DPYSL5: variants seen among roughly 807,000 people sequenced by gnomAD.
The protein encoded by DPYSL5 is dihydropyrimidinase-related protein 5.
Under a neutral mutation model 58.4 loss-of-function variants are expected in DPYSL5, and 9 were observed. The ratio of observed to expected loss-of-function variants is 0.15; its 90% CI spans 0.09 to 0.27. DPYSL5 has a LOEUF of 0.27. Ranked by LOEUF, DPYSL5 falls within the 10% of genes least tolerant of loss-of-function variation. The probability of loss-of-function intolerance (pLI) is 1.00; values close to 1 mark genes in which losing one functional copy is unlikely to be tolerated. For synonymous variants in DPYSL5, 293 were observed against 301.9 expected (o/e 0.97, Z 0.31); for missense variants, 499 against 770.6 (o/e 0.65, Z 4.17).
chr2:26,927,225 C>A lies in DPYSL5; in HGVS notation c.421-28C>A. 1.3e-6 allele frequency: 2 copies of A among 1,599,062 alleles called. No homozygotes were observed. Among genetic ancestry groups the A allele is most frequent in the South Asian group, 1.1e-5 (1 of 88,742 alleles). Reference sequence around the variant, plus strand: ...GGCCTCTTGGGTGTCTGCCCTCACGCAGCATTGCCCTTCTACTTGTTCTCC... The same window carrying A: ...GGCCTCTTGGGTGTCTGCCCTCACGAAGCATTGCCCTTCTACTTGTTCTCC... On this transcript the variant is annotated intron_variant, in intron 3 of 12. Coordinates refer to ENST00000288699, the MANE Select transcript of DPYSL5 (RefSeq NM_020134.4). The surrounding 1 kb of genome is among the most constrained non-coding windows in gnomAD (Gnocchi z 4.3).
intron 2 of DPYSL5, among the ~76,000 whole-genome samples, chr2:26,909,949 C>T (rs2148146104): frequency 6.6e-6 from 1 of 152,236 alleles, no homozygotes; most frequent in Non-Finnish European, 1.5e-5. Flanking sequence ...CATATACATA[C>T]ATCAAGAAGC....
chr2:26,874,448 C>G (rs1173785846), intron 1 of DPYSL5, among the ~76,000 whole-genome samples: 1 of 152,124 alleles, frequency 6.6e-6, no homozygotes, highest in Admixed American at 6.5e-5. Flanking sequence ...TCCATTTGTT[C>G]TAGCATCATT....
rs991419756 is a variant in DPYSL5 at position 26,933,180 on chromosome 2, G to C, written c.715-78G>C. 5 of 1,382,454 alleles carry C rather than the reference G, an allele frequency of 3.6e-6. No individual in the cohort carries two copies. The highest frequency in any genetic ancestry group is 5.2e-6 in the Non-Finnish European group (5 of 969,904). 85.6% of individuals were successfully genotyped at this position (1,382,454 alleles called of 1,614,324 possible). The stretch of plus-strand genomic sequence containing the variant: ...AGGGGGAGGCGCTGGTGCCAGGGCT[G>C]ACTTTGCCAGGGTTATTCTGATGCT... On this transcript the variant is annotated intron_variant, in intron 6 of 12. Coordinates refer to ENST00000288699, the MANE Select transcript of DPYSL5 (RefSeq NM_020134.4). This position sits in a 1 kb window ranked among gnomAD's most constrained non-coding sequence, Gnocchi z 4.2.
At chr2:26,865,821 A>G (rs1266613220) in intron 1 of DPYSL5, among the ~76,000 whole-genome samples, 3 of 152,204 alleles carry the variant, frequency 2.0e-5, no homozygotes, top group African/African-American at 7.2e-5. Context: ...ACAGAGACCT[A>G]TGCCAAGTAT....
rs947425924 is a variant in DPYSL5 at position 26,898,343 on chromosome 2, G to A, written c.-4-153G>A. On this transcript the variant is annotated intron_variant, in intron 1 of 12. Transcript: ENST00000288699. This position sits in a 1 kb window ranked among gnomAD's most constrained non-coding sequence, Gnocchi z 6.1. ...AATAAGTCCCTCTGGGAAGCCAGTG[G>A]GAGGCTTGTGACTCCCGCTGGCTGT... Among the ~76,000 whole-genome samples the A allele has an allele frequency of 6.6e-6, 1 of 152,118 alleles. No homozygotes were observed. The highest frequency in any genetic ancestry group is 1.5e-5 in the Non-Finnish European group (1 of 68,012).
chr2:26,931,623 T>C lies in DPYSL5; in HGVS notation c.670-17T>C, dbSNP rs199857288. On this transcript the variant is annotated splice_polypyrimidine_tract_variant and intron_variant, in intron 5 of 12. Coordinates refer to ENST00000288699, the MANE Select transcript of DPYSL5 (RefSeq NM_020134.4). ...GATGGTGAAGTTTGGTTTCCTCCTG[T>C]CCTTTGTTTCTAACAGCTGGAAGCT... 12 of 1,613,718 alleles carry C rather than the reference T, an allele frequency of 7.4e-6. No individual in the cohort carries two copies. The highest frequency in any genetic ancestry group is 1.0e-5 in the Non-Finnish European group (12 of 1,179,848).
At chr2:26,937,633 GT>G (rs1231945580) in intron 8 of DPYSL5, among the ~76,000 whole-genome samples, 20 of 145,018 alleles carry the variant, frequency 1.4e-4, no homozygotes, top group African/African-American at 2.3e-4. Flanking sequence ...ATTCTGGCTT[GT>G]TTTTTTTTTT....
intron 1 of DPYSL5, among the ~76,000 whole-genome samples, chr2:26,863,159 C>A (rs1213970010): frequency 6.6e-6 from 1 of 152,194 alleles, no homozygotes; most frequent in Non-Finnish European, 1.5e-5. Context: ...TGTCCCTTCA[C>A]TTTTTCACTG....
chr2:26,904,764 G>A (rs567498030), intron 2 of DPYSL5, among the ~76,000 whole-genome samples: 3 of 152,298 alleles, frequency 2.0e-5, no homozygotes, highest in South Asian at 2.1e-4. Context: ...TTAGCCAGGC[G>A]TGGTGGTGTA....
At chr2:26,907,424 T>C (rs1234570260) in intron 2 of DPYSL5, among the ~76,000 whole-genome samples, 14 of 152,162 alleles carry the variant, frequency 9.2e-5, no homozygotes, top group Non-Finnish European at 1.9e-4. Flanking sequence ...CACATTTACA[T>C]TTTTAAAATA....
chr2:26,934,853 C>G lies in DPYSL5; in HGVS notation c.947+119C>G, dbSNP rs1665131423. 3.8e-6 allele frequency: 5 copies of G among 1,329,960 alleles called. No homozygotes were observed. The East Asian group carries it at 1.2e-4, about 31-fold the overall frequency. 82.4% of individuals were successfully genotyped at this position (1,329,960 alleles called of 1,614,324 possible). A position where few individuals can be genotyped will look rare whatever the true frequency, so the allele number is the denominator to read the frequency against. ...TCATTGTGCCCATAGGATCATTGTG[C>G]TTTTCTTACCTTCTCTGAGCCCATC... On this transcript the variant is annotated intron_variant, in intron 8 of 12. Transcript: ENST00000288699. The surrounding 1 kb of genome is among the most constrained non-coding windows in gnomAD (Gnocchi z 4.3).
chr2:26,901,438 C>T (rs992113510), intron 2 of DPYSL5, among the ~76,000 whole-genome samples: 3 of 152,040 alleles, frequency 2.0e-5, no homozygotes, highest in Non-Finnish European at 2.9e-5. Context: ...CTCCTGCAGC[C>T]GAATGGTGTA....
chr2:26,914,947 G>A (rs1363901803), intron 2 of DPYSL5, among the ~76,000 whole-genome samples: 5 of 151,954 alleles, frequency 3.3e-5, no homozygotes, highest in Admixed American at 6.5e-5. Context: ...CCATACCCCC[G>A]GGCTTCCTCC....
At chr2:26,895,918 T>C (rs1232153332) in intron 1 of DPYSL5, among the ~76,000 whole-genome samples, 2 of 151,828 alleles carry the variant, frequency 1.3e-5, no homozygotes, top group East Asian at 3.9e-4. Context: ...TAGCTGGGAT[T>C]ACAAGCACCC....
At chr2:26,899,854 C>T (rs1049862454) in intron 2 of DPYSL5, among the ~76,000 whole-genome samples, 4 of 152,106 alleles carry the variant, frequency 2.6e-5, no homozygotes, top group South Asian at 2.1e-4. Context: ...GGTGGTAGGC[C>T]GACTCTCCTT....
chr2:26,856,424 G>T (rs185264396), intron 1 of DPYSL5, among the ~76,000 whole-genome samples: 1 of 152,220 alleles, frequency 6.6e-6, no homozygotes, highest in Admixed American at 6.5e-5. Context: ...GGGGCTTCTT[G>T]TGCTCAAGGT....
chr2:26,904,136 A>G (rs1664231513), intron 2 of DPYSL5, among the ~76,000 whole-genome samples: 1 of 151,966 alleles, frequency 6.6e-6, no homozygotes. Flanking sequence ...GTGGCCTGCC[A>G]CCCCTCACCC....
At chr2:26,902,298 T>C (rs949563535) in intron 2 of DPYSL5, among the ~76,000 whole-genome samples, 3 of 151,964 alleles carry the variant, frequency 2.0e-5, no homozygotes, top group Non-Finnish European at 4.4e-5. Context: ...TTAGTCTCTT[T>C]CATATGTATC....
chr2:26,938,592 G>A (rs189258093), intron 8 of DPYSL5: 1 of 152,244 alleles, frequency 6.6e-6, no homozygotes, highest in East Asian at 1.9e-4. Flanking sequence ...GGCAGGAGCT[G>A]AGACTGATAA....
Sources: allele counts gnomAD v4.1 joint callset (sites outside exome capture counted in the v4.1 genomes callset), GRCh38; gene constraint gnomAD v4.1.1; non-coding constraint Gnocchi (gnomAD v3.1); transcripts MANE v1.5; gene names NCBI Gene and HGNC (gene_info 2026-07-23, HGNC 2026-07-21).